ITGA10: variants seen among roughly 807,000 people sequenced by gnomAD.
ITGA10 encodes integrin subunit alpha 10.
A neutral mutation model predicts 145.2 loss-of-function variants in ITGA10; 105 were observed. The observed-to-expected ratio is 0.72, with a 90% CI of 0.62 to 0.85. The LOEUF is 0.85. Among genes scored for constraint, ITGA10 ranks in the 40% least tolerant of loss-of-function variants. The probability of loss-of-function intolerance (pLI) is 0.00; values close to 1 mark genes in which losing one functional copy is unlikely to be tolerated. For missense variants in ITGA10, 1,317 were observed against 1,444.5 expected, an observed-to-expected ratio of 0.91 and a Z score of 1.43; for synonymous variants, 506 against 557.8, an observed-to-expected ratio of 0.91 and a Z score of 1.31.
At chr1:145,899,554 G>A (rs1256576027) in intron 15 of ITGA10, among the ~76,000 whole-genome samples, 2 of 151,064 alleles carry the variant, frequency 1.3e-5, no homozygotes, top group African/African-American at 4.9e-5. Flanking sequence ...TGTGGCCCAC[G>A]CTGGAGTGCA....
intron 1 of ITGA10, 97 bp from the exon 2 acceptor site, chr1:145,907,562 C>A (rs1657331661): frequency 6.4e-7 from 1 of 1,551,092 alleles, no homozygotes; most frequent in Admixed American, 2.0e-5. Context: ...CTCAGTCTGC[C>A]TGCCTGCTTT....
rs371409275 is a variant in ITGA10 at position 145,902,771 on chromosome 1, G to A, written c.909+40C>T. On this transcript the variant is annotated intron_variant, in intron 8 of 29. Coordinates refer to ENST00000369304, the MANE Select transcript of ITGA10 (RefSeq NM_003637.5). ...ACAGTTCACAAGACACTGCCCCCCT[G>A]CCACTCCCCAACTCTTCCAGATCCA... is the stretch of plus-strand genomic sequence containing the variant. The A allele has an allele frequency of 1.1e-5, 17 of 1,582,346 alleles. No individual in the cohort carries two copies. The South Asian group carries it at 1.4e-4, about 13-fold the overall frequency.
chr1:145,898,270 A>C (rs782387100), intron 17 of ITGA10, 47 bp from the exon 18 acceptor site: 4 of 1,209,414 alleles, frequency 3.3e-6, no homozygotes, highest in Non-Finnish European at 4.9e-6. Context: ...GGATCTTGTG[A>C]TAATTGTAGT....
chr1:145,903,484 G>A (rs1656672666), intron 7 of ITGA10, among the ~76,000 whole-genome samples: 1 of 152,092 alleles, frequency 6.6e-6, no homozygotes, highest in African/African-American at 2.4e-5. Context: ...GTGAAATATG[G>A]AGAGACACAG....
rs587598852 is a variant in ITGA10, at chr1:145,902,973, A to C, written c.759-12T>G. ...TGAACCCTTCTGTGCTGAGAAGAGA[A>C]AGGAGTGAGGTGAGATCAGATGTAT... On this transcript the variant is annotated splice_polypyrimidine_tract_variant and intron_variant, in intron 7 of 29. Transcript: ENST00000369304. The C allele has an allele frequency of 2.6e-6, 4 of 1,555,868 alleles. No homozygotes were observed. In the East Asian group the frequency reaches 9.4e-5, roughly 36 times the overall value.
intron 23 of ITGA10, 116 bp downstream of exon 23, chr1:145,896,653 G>A: frequency 1.2e-6 from 1 of 833,206 alleles, no homozygotes; most frequent in Non-Finnish European, 2.1e-6. Flanking sequence ...AAAAGACTGA[G>A]CAGCCGCAAG....
rs782006668 is a variant in ITGA10 at position 145,895,697 on chromosome 1, C to T, written c.3048G>A (p.Val1016=). 3.7e-6 allele frequency: 6 copies of T among 1,614,238 alleles called. No homozygotes were observed. The East Asian group carries it at 1.3e-4, about 36-fold the overall frequency. ...QVITNNASCI[V]QNLTEPPGPP... is the part of the protein sequence containing the mutation. ...GGCCTGGGGGTTCAGTCAGGTTCTG[C>T]ACTATGCAGCTTGCCTAGAGGAAGA... Residue 1016 remains valine (V), a synonymous_variant, in exon 26 of 30, where the codon GTG becomes GTA. Coordinates refer to ENST00000369304, the MANE Select transcript of ITGA10 (RefSeq NM_003637.5).
At position 145,897,093 on chromosome 1, in the gene ITGA10, G is replaced by T; in HGVS notation, c.2668-6C>A. On this transcript the variant is annotated splice_region_variant and splice_polypyrimidine_tract_variant and intron_variant, in intron 21 of 29. Coordinates refer to ENST00000369304, the MANE Select transcript of ITGA10 (RefSeq NM_003637.5). ...AACTCTAGCAGAAAGGTCACCTAGG[G>T]GCAGGGGACACAGGGTAATGGTAGA... The T allele has an allele frequency of 6.2e-7, 1 of 1,612,464 alleles. No individual in the cohort carries two copies. Among genetic ancestry groups the T allele is most frequent in the Non-Finnish European group, 8.5e-7 (1 of 1,178,516 alleles).
chr1:145,907,830 C>T (rs1242822181), intron 1 of ITGA10, among the ~76,000 whole-genome samples: 6 of 119,878 alleles, frequency 5.0e-5, no homozygotes, highest in African/African-American at 1.3e-4. Flanking sequence ...AGTGCAGTGG[C>T]GTGATCTCGG....
Position 145,902,976 on chromosome 1 carries a change from G to T in ITGA10, c.759-15C>A. On this transcript the variant is annotated splice_polypyrimidine_tract_variant and intron_variant, in intron 7 of 29. Coordinates refer to ENST00000369304, the MANE Select transcript of ITGA10 (RefSeq NM_003637.5). ...ACCCTTCTGTGCTGAGAAGAGAAAG[G>T]AGTGAGGTGAGATCAGATGTATGCA... The T allele has an allele frequency of 6.4e-7, 1 of 1,570,606 alleles. No individual in the cohort carries two copies. Among genetic ancestry groups the T allele is most frequent in the South Asian group, 1.2e-5 (1 of 83,890 alleles).
Position 145,900,778 on chromosome 1 carries a change from G to C in ITGA10, c.1791+12C>G. ...TACAACCGTGCCCCTGCTTTATTTG[G>C]GTACTCCTGACCTGGGCAGGATGGG... is the stretch of plus-strand genomic sequence containing the variant. On this transcript the variant is annotated intron_variant, in intron 14 of 29. Coordinates refer to ENST00000369304, the MANE Select transcript of ITGA10 (RefSeq NM_003637.5). 1 of 1,613,342 alleles carries C rather than the reference G, an allele frequency of 6.2e-7. No individual in the cohort carries two copies. The highest frequency in any genetic ancestry group is 2.2e-5 in the East Asian group (1 of 44,890).
At chr1:145,899,377 G>A (rs1655908466) in intron 15 of ITGA10, 36 bp from the exon 16 acceptor site, 2 of 1,602,056 alleles carry the variant, frequency 1.2e-6, no homozygotes, top group African/African-American at 1.3e-5. Flanking sequence ...CTAGCAGTAG[G>A]AGGTAAGCCC....
Position 145,901,839 on chromosome 1 carries a change from C to T in ITGA10, c.1294+38G>A. 2 of 1,613,108 alleles carry T rather than the reference C, an allele frequency of 1.2e-6. No individual in the cohort carries two copies. Among genetic ancestry groups the T allele is most frequent in the South Asian group, 1.1e-5 (1 of 91,024 alleles). ...CCCCCACTAGGGATGTATTTCCTCC[C>T]CTACCCTGTAAGTCCTCTGCAACTC... On this transcript the variant is annotated intron_variant, in intron 11 of 29. Transcript: ENST00000369304. This position sits in a 1 kb window ranked among gnomAD's most constrained non-coding sequence, Gnocchi z 4.3.
chr1:145,902,062 G>T, intron 10 of ITGA10, 41 bp from the exon 11 acceptor site: 1 of 1,596,752 alleles, frequency 6.3e-7, no homozygotes, highest in African/African-American at 1.4e-5. Context: ...GAAGACAGTG[G>T]GGAATAAAGA....
chr1:145,907,020 A>G (rs1559214025), intron 3 of ITGA10, 21 bp downstream of exon 3: 1 of 1,483,756 alleles, frequency 6.7e-7, no homozygotes, highest in Admixed American at 2.1e-5. Context: ...TTAGGAGGAG[A>G]AGGGTCAGGC....
rs1325173834 is a variant in ITGA10 at position 145,892,254 on chromosome 1, C to A, written c.*544G>T. 1 of 153,378 alleles carries A rather than the reference C, an allele frequency of 6.5e-6. No homozygotes were observed. The highest frequency in any genetic ancestry group is 2.1e-4 in the South Asian group (1 of 4,858). The allele number at this position is 153,378 out of a possible 1,614,324, so 9.5% of individuals were successfully genotyped here. A position where few individuals can be genotyped will look rare whatever the true frequency, so the allele number is the denominator to read the frequency against. On this transcript the variant is annotated 3_prime_UTR_variant, in exon 30 of 30. Transcript: ENST00000369304. ...TCTCTTGTGGCTTTTCCTCCTCCCT[C>A]CTTTTTTCCTGTTGACTCTCCCCAT...
chr1:145,893,098 T>C lies in ITGA10; in HGVS notation c.3438+63A>G, dbSNP rs1654918483. 2.5e-5 allele frequency: 32 copies of C among 1,263,808 alleles called. No homozygotes were observed. In the South Asian group the frequency reaches 3.7e-4, roughly 15 times the overall value. 78.3% of individuals were successfully genotyped at this position (1,263,808 alleles called of 1,614,324 possible). On this transcript the variant is annotated intron_variant, in intron 29 of 29. Coordinates refer to ENST00000369304, the MANE Select transcript of ITGA10 (RefSeq NM_003637.5). Reference sequence around the variant, plus strand: ...AGCACAAATCCTGTTCTCTCTGCTATAATCAAGGATCCCTCAACTCATGGG... The same window carrying C: ...AGCACAAATCCTGTTCTCTCTGCTACAATCAAGGATCCCTCAACTCATGGG...
At chr1:145,909,486 TATATA>T (rs1183609811) in intron 1 of ITGA10, among the ~76,000 whole-genome samples, 5 of 125,644 alleles carry the variant, frequency 4.0e-5, no homozygotes, top group Admixed American at 8.8e-5. Flanking sequence ...ATGTATATTA[TATATA>T]ATATATAATT....
chr1:145,903,951 G>C (rs1656734122), intron 7 of ITGA10, 101 bp downstream of exon 7: 1 of 1,373,336 alleles, frequency 7.3e-7, no homozygotes, highest in African/African-American at 1.4e-5. Context: ...GCCTCCCAAA[G>C]TGCTGGGATT....
Sources: allele counts gnomAD v4.1 joint callset (sites outside exome capture counted in the v4.1 genomes callset), GRCh38; gene constraint gnomAD v4.1.1; non-coding constraint Gnocchi (gnomAD v3.1); transcripts MANE v1.5; gene names NCBI Gene and HGNC (gene_info 2026-07-23, HGNC 2026-07-21).